Variants in ZNF426 observed in about 807,000 individuals in gnomAD.
ZNF426 encodes the protein zinc finger protein 426.
Under a neutral mutation model 24.0 loss-of-function variants are expected in ZNF426, and 23 were observed. The ratio of observed to expected loss-of-function variants is 0.96; its 90% confidence interval spans 0.69 to 1.36. The LOEUF is 1.36. Among genes scored for constraint, ZNF426 ranks in the 40% most tolerant of loss-of-function variants. The probability of loss-of-function intolerance (pLI) is 0.00; values close to 1 mark genes in which losing one functional copy is unlikely to be tolerated. For synonymous variants in ZNF426, 272 were observed against 224.6 expected (o/e 1.21, Z -1.89); for missense variants, 646 against 658.4 (o/e 0.98, Z 0.21).
Position 9,531,011 on chromosome 19 carries a change from C to A in ZNF426, c.382G>T (p.Gly128Cys), listed in dbSNP as rs1378506863. 1 of 1,613,798 alleles carries A rather than the reference C, an allele frequency of 6.2e-7. No homozygotes were observed. Residue 128 changes from glycine (G) to cysteine (C), a missense_variant, in exon 7 of 8, where the codon GGT (glycine) becomes TGT (cysteine). By Grantham distance (159) the Gly-to-Cys change is radical (BLOSUM62 -3). Coordinates refer to ENST00000253115, the MANE Select transcript of ZNF426 (RefSeq NM_024106.3). ...WSILQQDFLR[G>C]QTSIGIQLEG... ...AATTGTATCCCAATGGATGTCTGAC[C>A]CCTCAAAAAGTCCTGCTGAAGTATA... is the stretch of plus-strand genomic sequence containing the variant.
chr19:9,529,489 G>C lies in ZNF426; in HGVS notation c.556C>G (p.Leu186Val). The change falls in exon 8 of 8, where the codon CTG (leucine) becomes GTG (valine). Residue 186 changes from leucine (L) to valine (V), a missense_variant. By Grantham distance (32) the Leu-to-Val change is conservative. Coordinates refer to ENST00000253115, the MANE Select transcript of ZNF426 (RefSeq NM_024106.3). ...CNQYGKDFLT[L>V]CEKTSTGEKL... ...TCACCAGTAGAGGTTTTCTCACACA[G>C]GGTAAGGAAATCTTTTCCATACTGA... The C allele has an allele frequency of 1.2e-6, 2 of 1,613,826 alleles. No homozygotes were observed. Among genetic ancestry groups the C allele is most frequent in the Non-Finnish European group, 1.7e-6 (2 of 1,180,034 alleles).
At position 9,534,013 on chromosome 19, in the gene ZNF426, C is replaced by A. The variant is rs2073927701; in HGVS notation, c.118-47G>T. ...GGTTGGAGCCAAGTAACAAGCCCAT[C>A]AGCGTTCGCTGGAGGATGAGGAAGG... On this transcript the variant is annotated intron_variant, in intron 4 of 7. Coordinates refer to ENST00000253115, the MANE Select transcript of ZNF426 (RefSeq NM_024106.3). 5 of 1,598,760 alleles carry A rather than the reference C, an allele frequency of 3.1e-6. No individual in the cohort carries two copies. In the South Asian group the frequency reaches 4.5e-5, roughly 14 times the overall value.
Position 9,534,020 on chromosome 19 carries a change from C to T in ZNF426, c.118-54G>A, listed in dbSNP as rs528220527. ...GCCAAGTAACAAGCCCATCAGCGTTCGCTGGAGGATGAGGAAGGGGGACCC... is the reference window on the plus strand; with the variant it reads ...GCCAAGTAACAAGCCCATCAGCGTTTGCTGGAGGATGAGGAAGGGGGACCC... On this transcript the variant is annotated intron_variant, in intron 4 of 7. Coordinates refer to ENST00000253115, the MANE Select transcript of ZNF426 (RefSeq NM_024106.3). 60 of 1,590,200 alleles carry T rather than the reference C, an allele frequency of 3.8e-5. No homozygotes were observed. In the East Asian group the frequency reaches 4.0e-4, roughly 11 times the overall value.
chr19:9,537,447 A>T (rs2073983561), intron 2 of ZNF426, among the ~76,000 whole-genome samples: 1 of 123,450 alleles, frequency 8.1e-6, no homozygotes, highest in African/African-American at 2.8e-5. Context: ...TAGAATATTT[A>T]ACTCTTTTTT....
Position 9,533,894 on chromosome 19 carries a change from T to C in ZNF426, c.190A>G (p.Arg64Gly). The C allele has an allele frequency of 1.9e-6, 3 of 1,614,148 alleles. No individual in the cohort carries two copies. Among genetic ancestry groups the C allele is most frequent in the Non-Finnish European group, 2.5e-6 (3 of 1,179,976 alleles). Residue 64 changes from arginine to glycine, a missense_variant, in exon 5 of 8, where the codon AGA (arginine) becomes GGA (glycine). Arg to Gly is a moderately radical substitution (Grantham distance 125). Transcript: ENST00000253115. ...AGCATCACGTCACTGTAGAGGCTTC[T>C]CTGAGTTGAGTCCAGTAAAGTCCAC... ...EEWTLLDSTQ[R>G]SLYSDVMLEN...
At chr19:9,533,722 G>A in intron 5 of ZNF426, 118 bp downstream of exon 5, 2 of 1,366,124 alleles carry the variant, frequency 1.5e-6, no homozygotes, top group Non-Finnish European at 2.0e-6. Flanking sequence ...TTTAGGACAG[G>A]GACTATGTCT....
At chr19:9,529,722 G>A in intron 7 of ZNF426, 86 bp from the exon 8 acceptor site, 3 of 1,307,978 alleles carry the variant, frequency 2.3e-6, no homozygotes, top group Non-Finnish European at 3.1e-6. Context: ...CATTATAATG[G>A]TGATTATAAT....
chr19:9,536,567 CA>C (rs1052926589), intron 2 of ZNF426: 436 of 309,638 alleles, frequency 1.4e-3, no homozygotes, highest in South Asian at 2.1e-3. Context: ...AGTAAACAAA[CA>C]AAAAAAAATG....
rs922768303 is a variant in ZNF426 at position 9,536,424 on chromosome 19, G to A, written c.-124-68C>T. ...CAGCCATCAAACATATACACCGGCT[G>A]GGGCAGTAGCTCATGCCTGTAATCC... On this transcript the variant is annotated intron_variant, in intron 2 of 7. Coordinates refer to ENST00000253115, the MANE Select transcript of ZNF426 (RefSeq NM_024106.3). 4.9e-6 allele frequency: 7 copies of A among 1,435,390 alleles called. No individual in the cohort carries two copies. In the African/African-American group the frequency reaches 8.5e-5, roughly 17 times the overall value. The allele number at this position is 1,435,390 out of a possible 1,614,324, so 88.9% of individuals were successfully genotyped here.
In ZNF426 at chr19:9,528,750, G is replaced by A; in HGVS notation, c.1295C>T (p.Pro432Leu). The change falls in exon 8 of 8, where the codon CCC becomes CTC. Residue 432 changes from proline to leucine, a missense_variant. Coordinates refer to ENST00000253115, the MANE Select transcript of ZNF426 (RefSeq NM_024106.3). ...CKICGKVFGYPSCLNNHMRTH... is the reference protein window; with the variant it reads ...CKICGKVFGYLSCLNNHMRTH... ...TCGCATGTGATTATTAAGACATGAG[G>A]GATACCCAAATACTTTCCCACATAT... 1.2e-6 allele frequency: 2 copies of A among 1,613,986 alleles called. No individual in the cohort carries two copies. The highest frequency in any genetic ancestry group is 2.2e-5 in the East Asian group (1 of 44,864).
At position 9,529,393 on chromosome 19, in the gene ZNF426, T is replaced by C; in HGVS notation, c.652A>G (p.Ser218Gly). The C allele has an allele frequency of 6.2e-7, 1 of 1,614,130 alleles. No individual in the cohort carries two copies. Among genetic ancestry groups the C allele is most frequent in the East Asian group, 2.2e-5 (1 of 44,886 alleles). Reference protein sequence around the residue: ...LTPNIVYQRTSTQEKSFECSH... With the variant: ...LTPNIVYQRTGTQEKSFECSH... ...CATTCAAATGACTTTTCTTGTGTGCTAGTTCTCTGGTATACAATATTTGGT... is the reference window on the plus strand; with the variant it reads ...CATTCAAATGACTTTTCTTGTGTGCCAGTTCTCTGGTATACAATATTTGGT... Residue 218 changes from serine to glycine, a missense_variant, in exon 8 of 8, where the codon AGC (serine) becomes GGC (glycine). Transcript: ENST00000253115.
At chr19:9,532,278 CTTT>C (rs1020434068) in intron 6 of ZNF426, among the ~76,000 whole-genome samples, 2 of 117,452 alleles carry the variant, frequency 1.7e-5, no homozygotes, top group Admixed American at 8.5e-5. Flanking sequence ...TTCTTTTTTT[CTTT>C]TTTTTTTTTT....
intron 5 of ZNF426, among the ~76,000 whole-genome samples, chr19:9,533,360 G>A (rs890630022): frequency 2.0e-5 from 3 of 152,090 alleles, no homozygotes; most frequent in African/African-American, 7.2e-5. Flanking sequence ...GGAGGCTGAG[G>A]CCCAAGAATC....
chr19:9,533,432 C>T (rs569286692), intron 5 of ZNF426, among the ~76,000 whole-genome samples: 77 of 152,216 alleles, frequency 5.1e-4, no homozygotes, highest in Middle Eastern at 6.8e-3. Flanking sequence ...CTCCAGCCTG[C>T]GTGACAGAGT....
chr19:9,532,756 G>A lies in ZNF426; in HGVS notation c.325+89C>T, dbSNP rs2073905861. On this transcript the variant is annotated intron_variant, in intron 6 of 7. Coordinates refer to ENST00000253115, the MANE Select transcript of ZNF426 (RefSeq NM_024106.3). ...TAAACCTTGGGGTTTAGAGTGCAGG[G>A]AGAAAGTACATGTTAAAAAGTTTCC... 3 of 944,932 alleles carry A rather than the reference G, an allele frequency of 3.2e-6. No homozygotes were observed. In the South Asian group the frequency reaches 4.4e-5, roughly 14 times the overall value. 58.5% of individuals were successfully genotyped at this position (944,932 alleles called of 1,614,324 possible).
rs1443819815 is a variant in ZNF426, at chr19:9,526,704, C to G, written c.*1676G>C. On this transcript the variant is annotated 3_prime_UTR_variant, in exon 8 of 8. Transcript: ENST00000253115. ...ATGACAGAATTTCTCAAAATTAACTCAGACACCAAAACGCAAATCCAGGAG... is the reference window on the plus strand; with the variant it reads ...ATGACAGAATTTCTCAAAATTAACTGAGACACCAAAACGCAAATCCAGGAG... 6.6e-6 allele frequency: 1 copy of G among 151,794 alleles called. No individual in the cohort carries two copies. The highest frequency in any genetic ancestry group is 1.5e-5 in the Non-Finnish European group (1 of 67,930). The allele number at this position is 151,794 out of a possible 1,614,324, so 9.4% of individuals were successfully genotyped here. A position where few individuals can be genotyped will look rare whatever the true frequency, so the allele number is the denominator to read the frequency against.
chr19:9,537,349 G>A (rs2073981987), intron 2 of ZNF426, among the ~76,000 whole-genome samples: 1 of 151,820 alleles, frequency 6.6e-6, no homozygotes, highest in Non-Finnish European at 1.5e-5. Context: ...TGGACTCCTG[G>A]TATAGATCAC....
chr19:9,536,824 T>C (rs1015734130), intron 2 of ZNF426, among the ~76,000 whole-genome samples: 1 of 47,448 alleles, frequency 2.1e-5, no homozygotes, highest in Non-Finnish European at 7.3e-5. Context: ...ATCTGGTTAA[T>C]TTTTTTCCAC....
intron 5 of ZNF426, 103 bp from the exon 6 acceptor site, chr19:9,533,028 T>C (rs2073910561): frequency 1.0e-6 from 1 of 1,004,220 alleles, no homozygotes; most frequent in Admixed American, 2.2e-5. Context: ...TGAAGCTATT[T>C]CAAAAGGGCG....
Sources: allele counts gnomAD v4.1 joint callset (sites outside exome capture counted in the v4.1 genomes callset), GRCh38; gene constraint gnomAD v4.1.1; transcripts MANE v1.5; gene names NCBI Gene and HGNC (gene_info 2026-07-23, HGNC 2026-07-21).